The following PTPRD variants were observed in gnomAD, a reference collection of about 807,000 sequenced individuals.
PTPRD encodes receptor-type tyrosine-protein phosphatase delta.
A neutral mutation model predicts 214.5 loss-of-function variants in PTPRD; 34 were observed. The observed-to-expected ratio is 0.16, with a 90% CI of 0.12 to 0.21. The LOEUF (loss-of-function observed/expected upper bound fraction) is 0.21. PTPRD is among the 10% of genes least tolerant of loss of function. The probability of loss-of-function intolerance (pLI) is 1.00; values close to 1 mark genes in which losing one functional copy is unlikely to be tolerated. For synonymous variants in PTPRD, 1,128 were observed against 845.7 expected, an observed-to-expected ratio of 1.33 and a Z score of -5.79; for missense variants, 2,545 against 2,398.7, an observed-to-expected ratio of 1.06 and a Z score of -1.27.
intron 3 of PTPRD, among the ~76,000 whole-genome samples, chr9:10,217,466 T>C (rs934471552): frequency 5.9e-5 from 9 of 151,908 alleles, no homozygotes; most frequent in Non-Finnish European, 1.2e-4. Flanking sequence ...AAGGCAAGTA[T>C]ATTTCTGTTA....
intron 11 of PTPRD, among the ~76,000 whole-genome samples, chr9:8,916,309 G>A (rs908451555): frequency 6.6e-6 from 1 of 152,044 alleles, no homozygotes; most frequent in African/African-American, 2.4e-5. Context: ...ATTAATCATT[G>A]GACAATTATG....
chr9:8,929,875 G>GTGTATATA (rs375287947), intron 11 of PTPRD, among the ~76,000 whole-genome samples: 1 of 68,970 alleles, frequency 1.4e-5, no homozygotes, highest in East Asian at 3.8e-4. Context: ...ACATGTGTGT[G>GTGTATATA]TATATATGTG....
At chr9:10,332,070 T>C (rs930331894) in intron 3 of PTPRD, among the ~76,000 whole-genome samples, 2 of 151,874 alleles carry the variant, frequency 1.3e-5, no homozygotes, top group African/African-American at 4.8e-5. Context: ...ATTTATTTTT[T>C]ACATTTAAAT....
intron 12 of PTPRD, among the ~76,000 whole-genome samples, chr9:8,700,313 A>G (rs1344084713): frequency 6.6e-6 from 1 of 152,248 alleles, no homozygotes; most frequent in Non-Finnish European, 1.5e-5. Flanking sequence ...TCCACTAAGA[A>G]GAGTAGTCAG....
chr9:9,765,951 C>T (rs993221123), intron 6 of PTPRD, among the ~76,000 whole-genome samples: 8 of 152,140 alleles, frequency 5.3e-5, no homozygotes, highest in Non-Finnish European at 1.0e-4. Flanking sequence ...CGTGAGCCAC[C>T]GCGCCCAGCC....
chr9:8,494,413 G>T (rs1303149200), intron 26 of PTPRD, among the ~76,000 whole-genome samples: 1 of 152,270 alleles, frequency 6.6e-6, no homozygotes, highest in East Asian at 1.9e-4. Flanking sequence ...CCTTGGAATG[G>T]TTTCCCTAAC....
intron 33 of PTPRD, chr9:8,454,432 C>CG: frequency 1.5e-6 from 1 of 670,270 alleles, no homozygotes. Flanking sequence ...AATGAAGTTA[C>CG]TGTGTATATG....
rs1446928744 is a variant in PTPRD, at chr9:8,339,035, G to C, written c.5266C>G (p.Gln1756Glu). 1 of 1,611,366 alleles carries C rather than the reference G, an allele frequency of 6.2e-7. No homozygotes were observed. The highest frequency in any genetic ancestry group is 8.5e-7 in the Non-Finnish European group (1 of 1,178,284). ...LREMGREKCH[Q>E]YWPAERSARY... ...GCAGACCGTTCTGCTGGCCAGTATTGGTGACATTTCTCCTAAAAGGAGAGA... is the reference window on the plus strand; with the variant it reads ...GCAGACCGTTCTGCTGGCCAGTATTCGTGACATTTCTCCTAAAAGGAGAGA... The change falls in exon 43 of 46, where the codon CAA becomes GAA. Residue 1756 changes from glutamine (Q) to glutamate (E), a missense_variant. Gln to Glu is a conservative substitution (Grantham distance 29, BLOSUM62 2). Transcript: ENST00000381196.
chr9:10,108,086 G>GT (rs1464080929), intron 3 of PTPRD, among the ~76,000 whole-genome samples: 4 of 152,178 alleles, frequency 2.6e-5, no homozygotes, highest in Non-Finnish European at 1.5e-5. Context: ...AGTGACATCT[G>GT]TGGGTGTCCA....
intron 3 of PTPRD, among the ~76,000 whole-genome samples, chr9:10,096,969 T>C (rs12338256): frequency 0.024 from 3,704 of 152,144 alleles, 61 homozygotes; most frequent in Middle Eastern, 0.068. Flanking sequence ...TAGCCAATTT[T>C]CCCAGCACCA....
chr9:9,525,239 T>G (rs1277800541), intron 8 of PTPRD, among the ~76,000 whole-genome samples: 1 of 152,146 alleles, frequency 6.6e-6, no homozygotes, highest in Non-Finnish European at 1.5e-5. Flanking sequence ...TGGTCCTCTT[T>G]GACATTTCAT....
chr9:9,176,868 G>A (rs202009595), intron 10 of PTPRD, among the ~76,000 whole-genome samples: 1 of 152,036 alleles, frequency 6.6e-6, no homozygotes. Context: ...ACTCATGCGG[G>A]GGTATTGTGT....
chr9:10,111,448 C>CG (rs2098691437), intron 3 of PTPRD, among the ~76,000 whole-genome samples: 1 of 151,336 alleles, frequency 6.6e-6, no homozygotes, highest in Admixed American at 6.6e-5. Flanking sequence ...CCGTTTTAGC[C>CG]GGGATGGTCT....
intron 21 of PTPRD, among the ~76,000 whole-genome samples, chr9:8,512,592 C>T (rs1417923341): frequency 6.6e-6 from 1 of 151,906 alleles, no homozygotes; most frequent in Non-Finnish European, 1.5e-5. Context: ...TTGCAATGCC[C>T]AGAATTTGTA....
At chr9:9,829,145 T>C (rs1055432514) in intron 5 of PTPRD, among the ~76,000 whole-genome samples, 4 of 151,898 alleles carry the variant, frequency 2.6e-5, no homozygotes, top group Non-Finnish European at 4.4e-5. Flanking sequence ...CTAAAGAATA[T>C]TACGTAGAAC....
intron 9 of PTPRD, among the ~76,000 whole-genome samples, chr9:9,190,309 CAT>C (rs1173347230): frequency 1.3e-4 from 20 of 152,064 alleles, no homozygotes; most frequent in African/African-American, 4.8e-4. Flanking sequence ...AGAATTCCCA[CAT>C]GTCGTGGGAG....
At chr9:10,098,348 T>G (rs1440015836) in intron 3 of PTPRD, among the ~76,000 whole-genome samples, 7 of 100,576 alleles carry the variant, frequency 7.0e-5, no homozygotes, top group Admixed American at 1.1e-4. Flanking sequence ...GGTTGTGGGG[T>G]TGGGGGAGGG....
At chr9:10,010,205 GCAA>G in intron 4 of PTPRD, among the ~76,000 whole-genome samples, 1 of 151,840 alleles carries the variant, frequency 6.6e-6, no homozygotes, top group African/African-American at 2.4e-5. Context: ...AAAAGAAACT[GCAA>G]TCCACATGTC....
chr9:9,733,259 G>A (rs956933441), intron 7 of PTPRD, among the ~76,000 whole-genome samples: 1 of 152,172 alleles, frequency 6.6e-6, no homozygotes. Flanking sequence ...TTCTGGGAGG[G>A]ATGCAGACCC....
Sources: gnomAD v4.1 joint callset for allele counts (sites outside exome capture counted in the v4.1 genomes callset) on GRCh38, gnomAD v4.1.1 for gene constraint, MANE v1.5 for transcripts, NCBI Gene and HGNC (gene_info 2026-07-23, HGNC 2026-07-21) for gene names.